Variants in XXYLT1 observed in about 807,000 individuals in gnomAD.
XXYLT1 encodes xyloside xylosyltransferase 1.
Under a neutral mutation model 28.9 loss-of-function variants are expected in XXYLT1, and 20 were observed. The ratio of observed to expected loss-of-function variants is 0.69; its 90% CI spans 0.49 to 1.00. The LOEUF (loss-of-function observed/expected upper bound fraction) is 1.00. Ranked by LOEUF, XXYLT1 falls within the 50% of genes least tolerant of loss-of-function variation. The pLI, the probability that XXYLT1 is intolerant of heterozygous loss-of-function variation, is 0.00. For synonymous variants in XXYLT1, 257 were observed against 253.8 expected, an observed-to-expected ratio of 1.01 and a Z score of -0.12; for missense variants, 542 against 560.1, an observed-to-expected ratio of 0.97 and a Z score of 0.33.
intron 3 of XXYLT1, among the ~76,000 whole-genome samples, chr3:195,086,990 C>A (rs1468504363): frequency 2.0e-5 from 3 of 152,156 alleles, no homozygotes; most frequent in African/African-American, 7.2e-5. Flanking sequence ...GGGAGAGTGG[C>A]CTCCTAGGCC....
At chr3:195,191,290 CT>C (rs942201140) in intron 2 of XXYLT1, among the ~76,000 whole-genome samples, 4 of 152,290 alleles carry the variant, frequency 2.6e-5, no homozygotes, top group Admixed American at 2.6e-4. Context: ...CCAATCCCTC[CT>C]TTTCTCTTTC....
chr3:195,262,579 T>C (rs913189107), intron 1 of XXYLT1, among the ~76,000 whole-genome samples: 2 of 152,234 alleles, frequency 1.3e-5, no homozygotes, highest in African/African-American at 4.8e-5. Flanking sequence ...GAGGAATGAC[T>C]GATACCCAAA....
intron 2 of XXYLT1, among the ~76,000 whole-genome samples, chr3:195,158,295 A>C (rs1720706680): frequency 1.3e-5 from 2 of 152,150 alleles, no homozygotes. Context: ...GCCTGTGGTC[A>C]TGGCCACCCG....
intron 3 of XXYLT1, among the ~76,000 whole-genome samples, chr3:195,148,556 G>A (rs2279632): frequency 0.23 from 35,454 of 151,966 alleles, 4,733 homozygotes; most frequent in East Asian, 0.57. Flanking sequence ...TATGCATCTC[G>A]TAATGAGGGT....
intron 1 of XXYLT1, among the ~76,000 whole-genome samples, chr3:195,267,670 A>C (rs1289535318): frequency 6.6e-6 from 1 of 152,230 alleles, no homozygotes; most frequent in East Asian, 1.9e-4. Context: ...TAATTACTCC[A>C]ACGATTATAT....
chr3:195,072,419 C>G (rs57046126), intron 3 of XXYLT1, among the ~76,000 whole-genome samples: 6,189 of 152,248 alleles, frequency 0.041, 214 homozygotes, highest in East Asian at 0.19. Flanking sequence ...CCCAAATCTT[C>G]TGTGTCTGCA....
Position 195,188,450 on chromosome 3 carries a change from C to T in XXYLT1, c.653-31869G>A, listed in dbSNP as rs575382489. Among the ~76,000 whole-genome samples, 36 of 152,284 alleles carry T rather than the reference C, an allele frequency of 2.4e-4. No homozygotes were observed. The South Asian group carries it at 7.5e-3, about 32-fold the overall frequency. ...CCTAGAAATTTCTGCATAAACTGAC[C>T]CTTAATTTGCATATAATTAAAATGG... On this transcript the variant is annotated intron_variant, in intron 2 of 3. Transcript: ENST00000310380.
At chr3:195,250,322 G>A (rs977047297) in intron 1 of XXYLT1, among the ~76,000 whole-genome samples, 4 of 152,146 alleles carry the variant, frequency 2.6e-5, no homozygotes, top group Admixed American at 6.5e-5. Flanking sequence ...CAGAACTTTC[G>A]GAGGCCGAGG....
In XXYLT1 at chr3:195,076,454, G is replaced by A. The variant is rs1005228134; in HGVS notation, c.786-6343C>T. On this transcript the variant is annotated intron_variant, in intron 3 of 3. Transcript: ENST00000310380. The surrounding 1 kb of genome is among the most constrained non-coding windows in gnomAD (Gnocchi z 5.3). Reference sequence around the variant, plus strand: ...GGAGGGACAGTCGTGACAGGGCACTGGGGTGGCTACTAGACAAGCCAAGCA... The same window carrying A: ...GGAGGGACAGTCGTGACAGGGCACTAGGGTGGCTACTAGACAAGCCAAGCA... Among the ~76,000 whole-genome samples the A allele has an allele frequency of 3.3e-5, 5 of 152,156 alleles. No individual in the cohort carries two copies. Among genetic ancestry groups the A allele is most frequent in the African/African-American group, 9.7e-5 (4 of 41,424 alleles).
Position 195,156,489 on chromosome 3 carries a change from C to A in XXYLT1, c.745G>T (p.Ala249Ser), listed in dbSNP as rs779805397. 2 of 1,614,194 alleles carry A rather than the reference C, an allele frequency of 1.2e-6. No homozygotes were observed. The highest frequency in any genetic ancestry group is 4.5e-5 in the East Asian group (2 of 44,890). ...FEEFDSFLPG[A>S]IIGIAREMQP... is the part of the protein sequence containing the mutation. ...ATCTCCCGGGCTATGCCGATGATGG[C>A]GCCTGGCAGGAAACTGTCAAATTCC... Residue 249 changes from alanine (A) to serine (S), a missense_variant, in exon 3 of 4, where the codon GCC becomes TCC. Ala to Ser is a moderately conservative substitution (Grantham distance 99). Coordinates refer to ENST00000310380, the MANE Select transcript of XXYLT1 (RefSeq NM_152531.5).
intron 3 of XXYLT1, among the ~76,000 whole-genome samples, chr3:195,090,521 C>A (rs1716073065): frequency 6.6e-6 from 1 of 150,790 alleles, no homozygotes; most frequent in African/African-American, 2.5e-5. Flanking sequence ...GGGACGCATT[C>A]AAAGCAGTGT....
intron 3 of XXYLT1, among the ~76,000 whole-genome samples, chr3:195,102,286 G>A (rs1393779354): frequency 6.6e-6 from 1 of 152,134 alleles, no homozygotes; most frequent in Non-Finnish European, 1.5e-5. Flanking sequence ...TTGTGTGTGT[G>A]GCAAGAGCAC....
rs913826061 is a variant in XXYLT1, at chr3:195,176,531, T to A, written c.653-19950A>T. On this transcript the variant is annotated intron_variant, in intron 2 of 3. Transcript: ENST00000310380. This position sits in a 1 kb window ranked among gnomAD's most constrained non-coding sequence, Gnocchi z 4.9. ...ACACAACAATCTTGCTTGTGCGCCA[T>A]CAGTACGTTCCACCCCTCTGACACA... Among the ~76,000 whole-genome samples, 1 of 152,190 alleles carries A rather than the reference T, an allele frequency of 6.6e-6. No homozygotes were observed. Among genetic ancestry groups the A allele is most frequent in the Non-Finnish European group, 1.5e-5 (1 of 68,026 alleles).
intron 3 of XXYLT1, among the ~76,000 whole-genome samples, chr3:195,140,173 C>T (rs1719409578): frequency 6.6e-6 from 1 of 152,224 alleles, no homozygotes. Flanking sequence ...AAAGCATTTA[C>T]ACTTTTGAGC....
chr3:195,235,917 TAG>T (rs1288155890), intron 1 of XXYLT1, among the ~76,000 whole-genome samples: 11 of 147,196 alleles, frequency 7.5e-5, no homozygotes, highest in African/African-American at 3.0e-4. Flanking sequence ...GACATAGACA[TAG>T]ACATAGACAT....
rs924198200 is a variant in XXYLT1 at position 195,257,754 on chromosome 3, C to T, written c.504+12801G>A. Among the ~76,000 whole-genome samples, 3 of 152,134 alleles carry T rather than the reference C, an allele frequency of 2.0e-5. No individual in the cohort carries two copies. Among genetic ancestry groups the T allele is most frequent in the Non-Finnish European group, 4.4e-5 (3 of 68,010 alleles). ...CCCTACCCCAGCTGCCCCCCTCTGCCCCATCTTCTGGTCATGACTCTCCTG... is the reference window on the plus strand; with the variant it reads ...CCCTACCCCAGCTGCCCCCCTCTGCTCCATCTTCTGGTCATGACTCTCCTG... On this transcript the variant is annotated intron_variant, in intron 1 of 3. Coordinates refer to ENST00000310380, the MANE Select transcript of XXYLT1 (RefSeq NM_152531.5). The surrounding 1 kb of genome is among the most constrained non-coding windows in gnomAD (Gnocchi z 4.3).
intron 2 of XXYLT1, among the ~76,000 whole-genome samples, chr3:195,198,102 G>A (rs1216681930): frequency 1.3e-5 from 2 of 152,176 alleles, no homozygotes; most frequent in African/African-American, 4.8e-5. Context: ...TGAGGCTTGG[G>A]GATAGAGCAT....
intron 1 of XXYLT1, among the ~76,000 whole-genome samples, chr3:195,229,004 G>C (rs530321426): frequency 1.3e-5 from 2 of 151,770 alleles, no homozygotes; most frequent in Non-Finnish European, 2.9e-5. Context: ...GTAGAGACAG[G>C]GTTTCACCAT....
chr3:195,128,543 G>T (rs373325171), intron 3 of XXYLT1, among the ~76,000 whole-genome samples: 4 of 152,152 alleles, frequency 2.6e-5, no homozygotes, highest in Non-Finnish European at 1.5e-5. Context: ...CCTTGGACCA[G>T]CACTCTTACC....
Sources: allele counts gnomAD v4.1 joint callset (sites outside exome capture counted in the v4.1 genomes callset), GRCh38; gene constraint gnomAD v4.1.1; non-coding constraint Gnocchi (gnomAD v3.1); transcripts MANE v1.5; gene names NCBI Gene and HGNC (gene_info 2026-07-23, HGNC 2026-07-21).